The following FBXO11 variants were observed in gnomAD, a reference collection of about 807,000 sequenced individuals.
FBXO11 encodes F-box protein 11.
FBXO11 carries 13 observed loss-of-function variants against 117.0 expected under a neutral mutation model. That is an observed-to-expected ratio of 0.11 (90% CI 0.07 to 0.18). The LOEUF (loss-of-function observed/expected upper bound fraction) is 0.18, where lower values mean the gene tolerates loss of function less well. FBXO11 is among the 10% of genes least tolerant of loss of function. The pLI, the probability that FBXO11 is intolerant of heterozygous loss-of-function variation, is 1.00. For synonymous variants in FBXO11, 490 were observed against 380.5 expected (o/e 1.29, Z -3.35); for missense variants, 767 against 1,164.4 (o/e 0.66, Z 4.97).
At chr2:47,882,183 T>C (rs981657945) in intron 1 of FBXO11, among the ~76,000 whole-genome samples, 1 of 152,268 alleles carries the variant, frequency 6.6e-6, no homozygotes, top group Non-Finnish European at 1.5e-5. Context: ...CTGAGTACTA[T>C]TTGTTCCTTA....
chr2:47,810,077 C>T lies in FBXO11; in HGVS notation c.2338+239G>A, dbSNP rs1670510944. On this transcript the variant is annotated intron_variant, in intron 19 of 22. Transcript: ENST00000403359. ...TAATACAAGCCTGCATTTATTCTAT[C>T]CCAATAAATGTTTCATAATCACGAC... 3 of 499,934 alleles carry T rather than the reference C, an allele frequency of 6.0e-6. No homozygotes were observed. In the South Asian group the frequency reaches 1.0e-4, roughly 17 times the overall value. 31.0% of individuals were successfully genotyped at this position (499,934 alleles called of 1,614,324 possible).
rs139775003 is a variant in FBXO11, at chr2:47,903,453, T to C, written c.232+2036A>G. On this transcript the variant is annotated intron_variant, in intron 1 of 22. Coordinates refer to ENST00000403359, the MANE Select transcript of FBXO11 (RefSeq NM_001190274.2). ...TTTATAGACATCAATGAGAAGAAAA[T>C]TGACACTGGCATGTGACTGCCAACA... Among the ~76,000 whole-genome samples the C allele has an allele frequency of 1.5e-3, 224 of 152,296 alleles. 1 individual carries two copies. The highest frequency in any genetic ancestry group is 4.7e-3 in the African/African-American group (196 of 41,562).
intron 1 of FBXO11, among the ~76,000 whole-genome samples, chr2:47,879,563 A>G (rs1676286272): frequency 6.6e-6 from 1 of 152,192 alleles, no homozygotes; most frequent in African/African-American, 2.4e-5. Context: ...TTATCGATTC[A>G]TATCTTTGCT....
intron 1 of FBXO11, among the ~76,000 whole-genome samples, chr2:47,886,343 T>TA (rs1230326055): frequency 6.6e-6 from 1 of 151,814 alleles, no homozygotes; most frequent in African/African-American, 2.4e-5. Flanking sequence ...CCGTCTCTAC[T>TA]AAAAATGCAA....
At chr2:47,898,860 T>G (rs895734088) in intron 1 of FBXO11, among the ~76,000 whole-genome samples, 1 of 152,150 alleles carries the variant, frequency 6.6e-6, no homozygotes, top group South Asian at 2.1e-4. Context: ...ATAGAAAGAT[T>G]AGGTGATATA....
intron 1 of FBXO11, among the ~76,000 whole-genome samples, chr2:47,897,693 T>A (rs1677779372): frequency 8.5e-6 from 1 of 117,432 alleles, no homozygotes; most frequent in South Asian, 3.0e-4. Flanking sequence ...TGAGACTGTG[T>A]CTTAAACCAA....
At chr2:47,854,523 A>G (rs1217948481) in intron 1 of FBXO11, among the ~76,000 whole-genome samples, 1 of 152,012 alleles carries the variant, frequency 6.6e-6, no homozygotes, top group Non-Finnish European at 1.5e-5. Context: ...TAAATAAATA[A>G]TAGAAAACAG....
intron 16 of FBXO11, 65 bp from the exon 17 acceptor site, chr2:47,813,932 G>A (rs1295990796): frequency 8.2e-7 from 1 of 1,214,744 alleles, no homozygotes; most frequent in Non-Finnish European, 1.2e-6. Flanking sequence ...CATGTTACGT[G>A]AGGTAAACAG....
chr2:47,820,308 T>A, intron 14 of FBXO11, 54 bp downstream of exon 14: 1 of 1,418,386 alleles, frequency 7.1e-7, no homozygotes, highest in Non-Finnish European at 9.9e-7. Flanking sequence ...AGAAACCCTT[T>A]ATCCCCCTGG....
chr2:47,894,502 T>C (rs1022554974), intron 1 of FBXO11, among the ~76,000 whole-genome samples: 1 of 152,176 alleles, frequency 6.6e-6, no homozygotes, highest in Non-Finnish European at 1.5e-5. Context: ...GAAGCAAGTT[T>C]TTGGAATGAA....
At chr2:47,890,377 AAATT>A (rs1677168321) in intron 1 of FBXO11, among the ~76,000 whole-genome samples, 1 of 152,218 alleles carries the variant, frequency 6.6e-6, no homozygotes, top group South Asian at 2.1e-4. Context: ...AGATGTCTAT[AAATT>A]AATAAGCACT....
At chr2:47,854,520 A>G (rs985012952) in intron 1 of FBXO11, among the ~76,000 whole-genome samples, 4 of 152,026 alleles carry the variant, frequency 2.6e-5, no homozygotes, top group African/African-American at 9.7e-5. Flanking sequence ...AAATAAATAA[A>G]TAATAGAAAA....
At chr2:47,823,924 C>A (rs1671559475) in intron 11 of FBXO11, among the ~76,000 whole-genome samples, 1 of 151,832 alleles carries the variant, frequency 6.6e-6, no homozygotes, top group East Asian at 1.9e-4. Flanking sequence ...ATAGCTCACG[C>A]AGCCTCAAAC....
chr2:47,878,068 C>A (rs554082507), intron 1 of FBXO11, among the ~76,000 whole-genome samples: 53 of 152,330 alleles, frequency 3.5e-4, no homozygotes, highest in African/African-American at 1.2e-3. Flanking sequence ...AGCTTTTACC[C>A]AGGAGGCTGT....
intron 1 of FBXO11, among the ~76,000 whole-genome samples, chr2:47,901,105 G>GTATA (rs779347380): frequency 1.4e-4 from 16 of 111,404 alleles, no homozygotes; most frequent in Non-Finnish European, 2.5e-4. Context: ...ACATATATAT[G>GTATA]TATATATGTA....
intron 1 of FBXO11, among the ~76,000 whole-genome samples, chr2:47,900,201 C>A (rs1390473642): frequency 6.6e-6 from 1 of 152,044 alleles, no homozygotes; most frequent in Non-Finnish European, 1.5e-5. Context: ...CAAGTAAGTT[C>A]CAAGCTTTAA....
intron 1 of FBXO11, among the ~76,000 whole-genome samples, chr2:47,897,562 T>A (rs1572924906): frequency 6.6e-6 from 1 of 152,008 alleles, no homozygotes; most frequent in African/African-American, 2.4e-5. Context: ...CCAGGCATGG[T>A]GGTGTGCACC....
intron 1 of FBXO11, among the ~76,000 whole-genome samples, chr2:47,869,646 C>T (rs892134999): frequency 2.0e-5 from 3 of 152,096 alleles, no homozygotes; most frequent in Non-Finnish European, 4.4e-5. Flanking sequence ...AAAAAGAGTA[C>T]AGAATGGGTA....
intron 1 of FBXO11, among the ~76,000 whole-genome samples, chr2:47,845,935 C>G: frequency 6.6e-6 from 1 of 151,690 alleles, no homozygotes; most frequent in East Asian, 1.9e-4. Context: ...TTCCAACATC[C>G]AAATCCACAA....
Sources: allele counts gnomAD v4.1 joint callset (sites outside exome capture counted in the v4.1 genomes callset), GRCh38; gene constraint gnomAD v4.1.1; transcripts MANE v1.5; gene names NCBI Gene and HGNC (gene_info 2026-07-23, HGNC 2026-07-21).